Variants in KIR2DL3 observed in about 807,000 individuals in gnomAD.
KIR2DL3 encodes killer cell immunoglobulin-like receptor 2DL3.
In KIR2DL3, 39 loss-of-function variants were observed where a neutral mutation model predicts 33.8. The observed-to-expected ratio is 1.15, with a 90% CI of 0.89 to 1.51. KIR2DL3 has a LOEUF of 1.51. Ranked by LOEUF, KIR2DL3 falls within the 40% of genes most tolerant of loss-of-function variation. The probability of loss-of-function intolerance (pLI) is 0.00; values close to 1 mark genes in which losing one functional copy is unlikely to be tolerated. For missense variants in KIR2DL3, 462 were observed against 426.2 expected, an observed-to-expected ratio of 1.08 and a Z score of -0.74; for synonymous variants, 174 against 160.2, an observed-to-expected ratio of 1.09 and a Z score of -0.65.
At chr19:54,739,333 A>C (rs544259627) in intron 1 of KIR2DL3, among the ~76,000 whole-genome samples, 174 bp from the exon 2 acceptor site, 44 of 144,202 alleles carry the variant, frequency 3.1e-4, no homozygotes, top group Non-Finnish European at 2.6e-4. Context: ...TGGGCCTGGA[A>C]ACTGGGTCTC....
chr19:54,752,271 A>C lies in KIR2DL3; in HGVS notation c.873+3A>C, dbSNP rs777438749. The C allele has an allele frequency of 6.1e-6, 9 of 1,485,670 alleles. 3 individuals carry two copies. The highest frequency in any genetic ancestry group is 8.3e-6 in the Non-Finnish European group (9 of 1,087,676). 92.0% of individuals were successfully genotyped at this position (1,485,670 alleles called of 1,614,324 possible). A position where few individuals can be genotyped will look rare whatever the true frequency, so the allele number is the denominator to read the frequency against. On this transcript the variant is annotated splice_donor_region_variant and intron_variant, in intron 7 of 7. Coordinates refer to ENST00000342376, the MANE Select transcript of KIR2DL3 (RefSeq NM_015868.3). The stretch of plus-strand genomic sequence containing the variant: ...GGAACAGAACAGTGAACAGGGAGGT[A>C]GGTGCTCCTCGGCCCAGCCTCGTGG...
intron 2 of KIR2DL3, 130 bp from the exon 3 acceptor site, chr19:54,741,850 A>C (rs1201151419): frequency 7.9e-7 from 1 of 1,267,932 alleles, no homozygotes; most frequent in East Asian, 2.3e-5. Context: ...AAGGGCACAG[A>C]AAAGAACATG....
intron 3 of KIR2DL3, 117 bp downstream of exon 3, chr19:54,742,396 A>T: frequency 4.1e-6 from 6 of 1,447,150 alleles, no homozygotes; most frequent in Non-Finnish European, 4.8e-6. Context: ...AGAGAGACTG[A>T]CTTGCTGAGG....
At chr19:54,744,952 ATATTTTTTTTTT>A (rs1281912547) in intron 4 of KIR2DL3, among the ~76,000 whole-genome samples, 15 of 27,224 alleles carry the variant, frequency 5.5e-4, no homozygotes, top group South Asian at 3.1e-3. Context: ...ATATATATAT[ATATTTTTTTTTT>A]TTTTTTTTTT....
chr19:54,739,590 A>G lies in KIR2DL3; in HGVS notation c.70+48A>G, dbSNP rs753493960. ...GGGTGTCATCTCCCCACATAAGAGG[A>G]TTTTCCTGAAACAGGAGGGAAGTCC... On this transcript the variant is annotated intron_variant, in intron 2 of 7. Transcript: ENST00000342376. 5 of 1,613,614 alleles carry G rather than the reference A, an allele frequency of 3.1e-6. No homozygotes were observed. In the Admixed American group the frequency reaches 5.0e-5, roughly 16 times the overall value.
intron 3 of KIR2DL3, among the ~76,000 whole-genome samples, chr19:54,743,549 A>G (rs2147063266): frequency 6.6e-6 from 1 of 152,306 alleles, no homozygotes; most frequent in South Asian, 2.1e-4. Flanking sequence ...ATCCAAGGAG[A>G]GTCAGAGAGA....
intron 4 of KIR2DL3, among the ~76,000 whole-genome samples, chr19:54,744,498 T>A (rs2071886497): frequency 6.6e-6 from 1 of 152,044 alleles, no homozygotes; most frequent in African/African-American, 2.4e-5. Flanking sequence ...TTATTGAGGA[T>A]AAATATACCT....
rs1234222928 is a variant in KIR2DL3, at chr19:54,743,945, G to C, written c.521G>C (p.Gly174Ala). The C allele has an allele frequency of 1.2e-6, 2 of 1,614,010 alleles. No homozygotes were observed. Among genetic ancestry groups the C allele is most frequent in the African/African-American group, 2.7e-5 (2 of 74,884 alleles). Reference sequence around the variant, plus strand: ...GCCCATGAACGTAGGTTCTCTGCAGGGCCCAAGGTCAACGGAACATTCCAG... The same window carrying C: ...GCCCATGAACGTAGGTTCTCTGCAGCGCCCAAGGTCAACGGAACATTCCAG... ...GEAHERRFSA[G>A]PKVNGTFQAD... The change falls in exon 4 of 8, where the codon GGG (glycine) becomes GCG (alanine). Residue 174 changes from glycine to alanine, a missense_variant. Transcript: ENST00000342376.
At chr19:54,742,968 C>T (rs1190818620) in intron 3 of KIR2DL3, among the ~76,000 whole-genome samples, 7 of 151,822 alleles carry the variant, frequency 4.6e-5, no homozygotes, top group Non-Finnish European at 8.8e-5. Flanking sequence ...CTCACAGACA[C>T]ATAAAGAGAG....
chr19:54,742,158 C>T lies in KIR2DL3; in HGVS notation c.249C>T (p.Ala83=), dbSNP rs149292181. Residue 83 remains alanine, a synonymous_variant, in exon 3 of 8, where the codon GCC becomes GCT. Transcript: ENST00000342376. The part of the protein sequence containing the change: ...IGEHHDGVSK[A]NFSIGPMMQD... ...AGCACCATGATGGGGTCTCCAAGGC[C>T]AACTTCTCCATCGGTCCCATGATGC... 232 of 1,614,130 alleles carry T rather than the reference C, an allele frequency of 1.4e-4. 2 individuals are homozygous for T. The African/African-American group carries it at 2.8e-3, about 19-fold the overall frequency.
rs138810664 is a variant in KIR2DL3 at position 54,746,871 on chromosome 19, A to T, written c.665-464A>T. On this transcript the variant is annotated intron_variant, in intron 4 of 7. Coordinates refer to ENST00000342376, the MANE Select transcript of KIR2DL3 (RefSeq NM_015868.3). ...GGTGGTCAGCACCTGTAATACCACT[A>T]CTCAGGAGTTTGAGGCCAGAGAATT... Among the ~76,000 whole-genome samples the T allele has an allele frequency of 8.6e-3, 1,271 of 147,078 alleles. 33 individuals are homozygous for T. Among genetic ancestry groups the T allele is most frequent in the African/African-American group, 0.03 (1,201 of 39,998 alleles).
intron 4 of KIR2DL3, among the ~76,000 whole-genome samples, chr19:54,745,000 G>A (rs1364634308): frequency 9.2e-6 from 1 of 108,992 alleles, no homozygotes; most frequent in Non-Finnish European, 1.8e-5. Context: ...TTTATTCCTG[G>A]CCTCTGGAAG....
intron 1 of KIR2DL3, 97 bp from the exon 2 acceptor site, chr19:54,739,410 G>T: frequency 1.3e-6 from 2 of 1,532,660 alleles, no homozygotes; most frequent in Admixed American, 1.7e-5. Context: ...TTCAGCCCAG[G>T]AAGGGCCTGG....
In KIR2DL3 at chr19:54,744,219, A is replaced by T. The variant is rs2071806824; in HGVS notation, c.664+131A>T. 8 of 1,419,454 alleles carry T rather than the reference A, an allele frequency of 5.6e-6. No homozygotes were observed. The East Asian group carries it at 1.4e-4, about 25-fold the overall frequency. The allele number at this position is 1,419,454 out of a possible 1,614,324, so 87.9% of individuals were successfully genotyped here. Reference sequence around the variant, plus strand: ...GAAGCTTGGGTGTGAGGGAGGGATCAGGGCACAGGATGGCAGACAGGGCAC... The same window carrying T: ...GAAGCTTGGGTGTGAGGGAGGGATCTGGGCACAGGATGGCAGACAGGGCAC... On this transcript the variant is annotated intron_variant, in intron 4 of 7. Coordinates refer to ENST00000342376, the MANE Select transcript of KIR2DL3 (RefSeq NM_015868.3).
chr19:54,750,082 A>G lies in KIR2DL3; in HGVS notation c.716-1567A>G, dbSNP rs1213345872. Among the ~76,000 whole-genome samples the G allele has an allele frequency of 1.5e-5, 2 of 132,868 alleles. 1 individual carries two copies. Among genetic ancestry groups the G allele is most frequent in the Admixed American group, 1.6e-4 (2 of 12,776 alleles). 87.2% of individuals were successfully genotyped at this position (132,868 alleles called of 152,430 possible). On this transcript the variant is annotated intron_variant, in intron 5 of 7. Transcript: ENST00000342376. ...GCTTTCTGTGAGAATGAGATCACAT[A>G]GAAAATGTGAAAGCCCTCAGAATCC... is the stretch of plus-strand genomic sequence containing the variant.
At chr19:54,746,828 T>C (rs1298042257) in intron 4 of KIR2DL3, among the ~76,000 whole-genome samples, 1 of 147,246 alleles carries the variant, frequency 6.8e-6, no homozygotes, top group Non-Finnish European at 1.5e-5. Flanking sequence ...ACTAAAAATA[T>C]AAAAATTAGC....
At position 54,747,057 on chromosome 19, in the gene KIR2DL3, A is replaced by G. The variant is rs114995004; in HGVS notation, c.665-278A>G. ...GTTCTTCATTCTGCTCCATTGTTCT[A>G]CGTGCCTTTCTTTATGCCAATGTGA... On this transcript the variant is annotated intron_variant, in intron 4 of 7. Transcript: ENST00000342376. 2.5e-3 allele frequency among the ~76,000 whole-genome samples: 354 copies of G among 141,142 alleles called. 37 individuals carry two copies. Among genetic ancestry groups the G allele is most frequent in the African/African-American group, 8.9e-3 (340 of 38,044 alleles). 92.6% of individuals were successfully genotyped at this position (141,142 alleles called of 152,430 possible). A position where few individuals can be genotyped will look rare whatever the true frequency, so the allele number is the denominator to read the frequency against.
rs185894343 is a variant in KIR2DL3 at position 54,750,882 on chromosome 19, G to T, written c.716-767G>T. Among the ~76,000 whole-genome samples, 6 of 133,002 alleles carry T rather than the reference G, an allele frequency of 4.5e-5. 1 individual carries two copies. The highest frequency in any genetic ancestry group is 9.9e-5 in the Non-Finnish European group (6 of 60,672). The allele number at this position is 133,002 out of a possible 152,430, so 87.3% of individuals were successfully genotyped here. On this transcript the variant is annotated intron_variant, in intron 5 of 7. Coordinates refer to ENST00000342376, the MANE Select transcript of KIR2DL3 (RefSeq NM_015868.3). ...CTGGGGGAAGCCAGAGAGCAGCCCAGCCTGGGTTTTGTACTGTGGAGCCAC... is the reference window on the plus strand; with the variant it reads ...CTGGGGGAAGCCAGAGAGCAGCCCATCCTGGGTTTTGTACTGTGGAGCCAC...
chr19:54,745,730 C>A (rs2072375659), intron 4 of KIR2DL3, among the ~76,000 whole-genome samples: 1 of 151,710 alleles, frequency 6.6e-6, no homozygotes, highest in South Asian at 2.1e-4. Context: ...TACACTCCTA[C>A]CAACAGGGTA....
Sources: gnomAD v4.1 joint callset for allele counts (sites outside exome capture counted in the v4.1 genomes callset) on GRCh38, gnomAD v4.1.1 for gene constraint, MANE v1.5 for transcripts, NCBI Gene and HGNC (gene_info 2026-07-23, HGNC 2026-07-21) for gene names.